PCDHGC4: variants seen among roughly 807,000 people sequenced by gnomAD.
PCDHGC4 encodes protocadherin gamma subfamily C, 4.
In PCDHGC4, 15 loss-of-function variants were observed where a neutral mutation model predicts 59.7. The ratio of observed to expected loss-of-function variants is 0.25; its 90% confidence interval spans 0.17 to 0.39. PCDHGC4 has a LOEUF of 0.39. PCDHGC4 is among the 10% of genes least tolerant of loss of function. The probability of loss-of-function intolerance (pLI) is 1.00; values close to 1 mark genes in which losing one functional copy is unlikely to be tolerated. For missense variants in PCDHGC4, 1,016 were observed against 1,189.5 expected (o/e 0.85, Z 2.15); for synonymous variants, 434 against 481.4 (o/e 0.90, Z 1.29).
chr5:141,508,062 C>T (rs910730855), intron 3 of PCDHGC4: 2 of 152,316 alleles, frequency 1.3e-5, no homozygotes, highest in African/African-American at 4.8e-5. Flanking sequence ...TAATCAGCCT[C>T]CTTGGGCTAC....
chr5:141,506,294 C>T (rs1165174121), intron 3 of PCDHGC4, among the ~76,000 whole-genome samples: 1 of 151,888 alleles, frequency 6.6e-6, no homozygotes, highest in African/African-American at 2.4e-5. Context: ...ACTAAAAATA[C>T]AAAAATTAGC....
At position 141,487,557 on chromosome 5, in the gene PCDHGC4, T is replaced by C. The variant is rs751511771; in HGVS notation, c.2384T>C (p.Met795Thr). Residue 795 changes from methionine (M) to threonine (T), a missense_variant, in exon 1 of 4, where the codon ATG becomes ACG. Coordinates refer to ENST00000306593, the MANE Select transcript of PCDHGC4 (RefSeq NM_018928.3). The surrounding 1 kb of genome is among the most constrained non-coding windows in gnomAD (Gnocchi z 5.0). The stretch of plus-strand genomic sequence containing the variant: ...ATGGTGAAGTCACCCAGTGCACCTA[T>C]GGCAGGGGAGCCTGTTCGCCCAAGC... ...FMMVKSPSAP[M>T]AGEPVRPSCP... The C allele has an allele frequency of 1.9e-5, 31 of 1,614,060 alleles. No homozygotes were observed. In the East Asian group the frequency reaches 4.2e-4, roughly 22 times the overall value.
At position 141,505,514 on chromosome 5, in the gene PCDHGC4, G is replaced by A. The variant is rs758026551; in HGVS notation, c.2590+33G>A. The A allele has an allele frequency of 1.2e-5, 20 of 1,613,682 alleles. No homozygotes were observed. The South Asian group carries it at 1.8e-4, about 14-fold the overall frequency. ...GTGTCAGTGTGTGTATGGAAGAGTGGGAGACCTGGGGTTCTGGGGTGCATC... is the reference window on the plus strand; with the variant it reads ...GTGTCAGTGTGTGTATGGAAGAGTGAGAGACCTGGGGTTCTGGGGTGCATC... On this transcript the variant is annotated intron_variant, in intron 3 of 3. Transcript: ENST00000306593.
intron 1 of PCDHGC4, 58 bp from the exon 2 acceptor site, chr5:141,494,749 G>A (rs573811540): frequency 2.9e-5 from 47 of 1,612,698 alleles, no homozygotes; most frequent in Non-Finnish European, 3.6e-5. Flanking sequence ...CTAGGGGCTC[G>A]GGTGACATTC....
intron 3 of PCDHGC4, among the ~76,000 whole-genome samples, chr5:141,506,904 C>T (rs55892286): frequency 0.2 from 30,589 of 152,050 alleles, 3,131 homozygotes; most frequent in Middle Eastern, 0.24. Flanking sequence ...ACTGTCATCA[C>T]ACCTGGGCAC....
chr5:141,500,234 A>T (rs2099798212), intron 2 of PCDHGC4, among the ~76,000 whole-genome samples: 1 of 148,996 alleles, frequency 6.7e-6, no homozygotes, highest in Non-Finnish European at 1.5e-5. Context: ...ATTGATACGT[A>T]GCCTTGCTCT....
Position 141,489,492 on chromosome 5 carries a change from G to T in PCDHGC4, c.2442+1877G>T, listed in dbSNP as rs1258376136. On this transcript the variant is annotated intron_variant, in intron 1 of 3. Coordinates refer to ENST00000306593, the MANE Select transcript of PCDHGC4 (RefSeq NM_018928.3). The surrounding 1 kb of genome is among the most constrained non-coding windows in gnomAD (Gnocchi z 4.5). ...CCCTGAGCTTGATGAGTGGTGCCCT[G>T]GCAGTGAATCAAAAGATTGACCGAG... 1 of 1,614,042 alleles carries T rather than the reference G, an allele frequency of 6.2e-7. No individual in the cohort carries two copies. The highest frequency in any genetic ancestry group is 1.1e-5 in the South Asian group (1 of 91,078).
At position 141,493,202 on chromosome 5, in the gene PCDHGC4, A is replaced by G. The variant is rs1246390819; in HGVS notation, c.2443-1605A>G. Among the ~76,000 whole-genome samples, 1 of 152,196 alleles carries G rather than the reference A, an allele frequency of 6.6e-6. No individual in the cohort carries two copies. ...ACTATATAACTCCTTTGAGAACCTC[A>G]TCTCATTTGCTCTTCCCACCATTGC... On this transcript the variant is annotated intron_variant, in intron 1 of 3. Transcript: ENST00000306593. The surrounding 1 kb of genome is among the most constrained non-coding windows in gnomAD (Gnocchi z 4.3).
In PCDHGC4 at chr5:141,487,161, T is replaced by G; in HGVS notation, c.1988T>G (p.Val663Gly). ...PPLSTSVTLL[V>G]SLEEDTHPVV... is the part of the protein sequence containing the mutation. ...CTCTCTACCTCTGTTACTCTCTTAGTGTCCTTAGAGGAAGACACTCATCCA... is the reference window on the plus strand; with the variant it reads ...CTCTCTACCTCTGTTACTCTCTTAGGGTCCTTAGAGGAAGACACTCATCCA... The change falls in exon 1 of 4, where the codon GTG becomes GGG. Residue 663 changes from valine (V) to glycine (G), a missense_variant. Transcript: ENST00000306593. The surrounding 1 kb of genome is among the most constrained non-coding windows in gnomAD (Gnocchi z 5.0). The G allele has an allele frequency of 6.2e-7, 1 of 1,613,528 alleles. No individual in the cohort carries two copies. The highest frequency in any genetic ancestry group is 1.1e-5 in the South Asian group (1 of 91,072).
intron 2 of PCDHGC4, among the ~76,000 whole-genome samples, chr5:141,500,020 T>A (rs905529317): frequency 6.6e-6 from 1 of 151,918 alleles, no homozygotes; most frequent in Non-Finnish European, 1.5e-5. Flanking sequence ...ACATTTTATA[T>A]TTGAGTGAGT....
chr5:141,490,984 T>TCTG lies in PCDHGC4; in HGVS notation c.2442+3372_2442+3374dup. On this transcript the variant is annotated intron_variant, in intron 1 of 3. Transcript: ENST00000306593. The surrounding 1 kb of genome is among the most constrained non-coding windows in gnomAD (Gnocchi z 5.4). ...CTCAGCCCCCCAGCGTCTCCCTCGCTCTGCTCCTCCTGGCTCCTTGGTCAC... is the reference window on the plus strand; with the variant it reads ...CTCAGCCCCCCAGCGTCTCCCTCGCTCTGCTGCTCCTCCTGGCTCCTTGGTCAC... The TCTG allele has an allele frequency of 1.2e-6, 2 of 1,614,110 alleles. No homozygotes were observed. Among genetic ancestry groups the TCTG allele is most frequent in the Non-Finnish European group, 1.7e-6 (2 of 1,180,028 alleles).
chr5:141,508,451 C>T (rs1245251907), intron 3 of PCDHGC4, among the ~76,000 whole-genome samples: 1 of 152,180 alleles, frequency 6.6e-6, no homozygotes, highest in Admixed American at 6.5e-5. Flanking sequence ...AGTGGCAGAG[C>T]AGAGCAAATA....
At position 141,487,382 on chromosome 5, in the gene PCDHGC4, T is replaced by A. The variant is rs755316738; in HGVS notation, c.2209T>A (p.Ser737Thr). 6.2e-7 allele frequency: 1 copy of A among 1,614,172 alleles called. No individual in the cohort carries two copies. The highest frequency in any genetic ancestry group is 2.2e-5 in the East Asian group (1 of 44,854). The change falls in exon 1 of 4, where the codon TCT becomes ACT. Residue 737 changes from serine (S) to threonine (T), a missense_variant. Transcript: ENST00000306593. The surrounding 1 kb of genome is among the most constrained non-coding windows in gnomAD (Gnocchi z 5.0). ...PAGTCACLTRSRRREGLPPSN... is the reference protein window; with the variant it reads ...PAGTCACLTRTRRREGLPPSN... ...TGGCACCTGTGCCTGTCTCACCAGA[T>A]CTCGAAGGAGGGAGGGGCTTCCCCC...
intron 2 of PCDHGC4, among the ~76,000 whole-genome samples, chr5:141,497,735 C>T (rs1299892535): frequency 2.6e-5 from 4 of 152,144 alleles, no homozygotes; most frequent in Non-Finnish European, 4.4e-5. Flanking sequence ...AGATGGGTTT[C>T]GCCACGTTGG....
At chr5:141,497,742 T>C (rs2099779149) in intron 2 of PCDHGC4, among the ~76,000 whole-genome samples, 1 of 152,128 alleles carries the variant, frequency 6.6e-6, no homozygotes, top group South Asian at 2.1e-4. Context: ...TTTCGCCACG[T>C]TGGCCAGGCT....
rs1468210173 is a variant in PCDHGC4 at position 141,512,170 on chromosome 5, A to T, written c.*997A>T. 1 of 152,720 alleles carries T rather than the reference A, an allele frequency of 6.5e-6. No homozygotes were observed. The highest frequency in any genetic ancestry group is 1.5e-5 in the Non-Finnish European group (1 of 68,120). The allele number at this position is 152,720 out of a possible 1,614,324, so 9.5% of individuals were successfully genotyped here. On this transcript the variant is annotated 3_prime_UTR_variant, in exon 4 of 4. Coordinates refer to ENST00000306593, the MANE Select transcript of PCDHGC4 (RefSeq NM_018928.3). ...TGGGCTGAGCTAACAGGACCAATGG[A>T]TTAAACTGGCATTTCAGTCCAAGGA...
chr5:141,503,608 A>AAAAAAAG (rs1483073868), intron 2 of PCDHGC4, among the ~76,000 whole-genome samples: 1 of 151,994 alleles, frequency 6.6e-6, no homozygotes, highest in East Asian at 1.9e-4. Flanking sequence ...CAAAAAAAAA[A>AAAAAAAG]AAAAAAGAAA....
chr5:141,499,763 T>C (rs2099794343), intron 2 of PCDHGC4, among the ~76,000 whole-genome samples: 1 of 148,434 alleles, frequency 6.7e-6, no homozygotes, highest in African/African-American at 2.5e-5. Flanking sequence ...CTCAGCTCAC[T>C]GCAGCCTTCG....
Position 141,485,715 on chromosome 5 carries a change from A to G in PCDHGC4, c.542A>G (p.Asp181Gly). The G allele has an allele frequency of 6.2e-7, 1 of 1,614,114 alleles. No homozygotes were observed. Among genetic ancestry groups the G allele is most frequent in the Non-Finnish European group, 8.5e-7 (1 of 1,180,012 alleles). Residue 181 changes from aspartate (D) to glycine (G), a missense_variant, in exon 1 of 4, where the codon GAT becomes GGT. By Grantham distance (94) the Asp-to-Gly change is moderately conservative. Transcript: ENST00000306593. The surrounding 1 kb of genome is among the most constrained non-coding windows in gnomAD (Gnocchi z 5.7). ...AGCTCCAATGAACACTTTGCACTGGATGTGAAGAAGCGCAGCGACGGCAGC... is the reference window on the plus strand; with the variant it reads ...AGCTCCAATGAACACTTTGCACTGGGTGTGAAGAAGCGCAGCGACGGCAGC... ...RLSSNEHFAL[D>G]VKKRSDGSLV...
Sources: gnomAD v4.1 joint callset for allele counts (sites outside exome capture counted in the v4.1 genomes callset) on GRCh38, gnomAD v4.1.1 for gene constraint, Gnocchi (gnomAD v3.1) non-coding constraint, MANE v1.5 for transcripts, NCBI Gene and HGNC (gene_info 2026-07-23, HGNC 2026-07-21) for gene names.